USH2A: variants seen among roughly 807,000 people sequenced by gnomAD.
The protein encoded by USH2A is usherin, also known as Usher syndrome 2A (autosomal recessive, mild).
Under a neutral mutation model 538.9 loss-of-function variants are expected in USH2A, and 443 were observed. That is an observed-to-expected ratio of 0.82 (90% CI 0.76 to 0.89). The LOEUF (loss-of-function observed/expected upper bound fraction) is 0.89, where lower values mean the gene tolerates loss of function less well. Among genes scored for constraint, USH2A ranks in the 40% least tolerant of loss-of-function variants. USH2A has a pLI of 0.00. For missense variants in USH2A, 6,633 were observed against 6,324.8 expected (o/e 1.05, Z -1.65); for synonymous variants, 2,413 against 2,273.5 (o/e 1.06, Z -1.75).
At chr1:216,356,570 A>G (rs1015570014) in intron 4 of USH2A, among the ~76,000 whole-genome samples, 1 of 152,074 alleles carries the variant, frequency 6.6e-6, no homozygotes, top group Non-Finnish European at 1.5e-5. Flanking sequence ...AATTTATAGA[A>G]TTTTGTACTA....
intron 61 of USH2A, among the ~76,000 whole-genome samples, chr1:215,697,345 G>A (rs556012992): frequency 6.6e-6 from 1 of 152,192 alleles, no homozygotes; most frequent in South Asian, 2.1e-4. Context: ...TCTTGGCAAA[G>A]GCTGGTTAGG....
Position 215,743,183 on chromosome 1 carries a change from G to T in USH2A, c.11542C>A (p.Gln3848Lys), listed in dbSNP as rs1660353558. The T allele has an allele frequency of 6.2e-7, 1 of 1,609,626 alleles. No individual in the cohort carries two copies. The highest frequency in any genetic ancestry group is 8.5e-7 in the Non-Finnish European group (1 of 1,177,668). Residue 3848 changes from glutamine to lysine, a missense_variant, in exon 59 of 72, where the codon CAA becomes AAA. Physicochemically the swap from Gln to Lys is moderately conservative, Grantham distance 53. Coordinates refer to ENST00000307340, the MANE Select transcript of USH2A (RefSeq NM_206933.4). The stretch of plus-strand genomic sequence containing the variant: ...GTGTCTGAAAGACTTTCACCATTTT[G>T]ACATGCTTGTATCCTTATCTCATAC... ...TQYEIRIQAC[Q>K]NGSCGVSSRM...
intron 21 of USH2A, among the ~76,000 whole-genome samples, chr1:216,162,182 T>C (rs566071927): frequency 6.6e-6 from 1 of 152,196 alleles, no homozygotes; most frequent in Admixed American, 6.6e-5. Context: ...ATTGTTCTTT[T>C]TTTCATGTTT....
rs566587570 is a variant in USH2A, at chr1:216,338,540, A to T, written c.785-10886T>A. ...AGATATAAAACTATCTGAACCATAA[A>T]AAGTAACTGATATATTCGCCAATGT... On this transcript the variant is annotated intron_variant, in intron 4 of 71. Coordinates refer to ENST00000307340, the MANE Select transcript of USH2A (RefSeq NM_206933.4). Among the ~76,000 whole-genome samples, 8 of 151,694 alleles carry T rather than the reference A, an allele frequency of 5.3e-5. No homozygotes were observed. In the East Asian group the frequency reaches 1.6e-3, roughly 29 times the overall value.
rs1460084950 is a variant in USH2A, at chr1:216,078,224, A to G, written c.5437T>C (p.Ser1813Pro). 6.2e-7 allele frequency: 1 copy of G among 1,613,852 alleles called. No homozygotes were observed. The highest frequency in any genetic ancestry group is 8.5e-7 in the Non-Finnish European group (1 of 1,179,828). The stretch of plus-strand genomic sequence containing the variant: ...TTCATCAGTCCATTCACACTTGCTG[A>G]TATGAAAGAGCCTTCCTTTTTAATA... The part of the protein sequence containing the change: ...VIIKKEGSFI[S>P]ASVNGLMKHA... Residue 1813 changes from serine (S) to proline (P), a missense_variant, in exon 27 of 72, where the codon TCA becomes CCA. Physicochemically the swap from Ser to Pro is moderately conservative, Grantham distance 74. Coordinates refer to ENST00000307340, the MANE Select transcript of USH2A (RefSeq NM_206933.4).
chr1:215,710,231 C>T (rs1032182532), intron 61 of USH2A, among the ~76,000 whole-genome samples: 1 of 152,178 alleles, frequency 6.6e-6, no homozygotes, highest in African/African-American at 2.4e-5. Flanking sequence ...TTTTCCTTGT[C>T]TCATGTCTCT....
chr1:215,779,143 T>C (rs1007006536), intron 55 of USH2A, among the ~76,000 whole-genome samples: 8 of 152,144 alleles, frequency 5.3e-5, no homozygotes, highest in Admixed American at 2.0e-4. Context: ...AGGTCTATGA[T>C]GGAAATAAAA....
chr1:215,941,022 T>C (rs966816790), intron 37 of USH2A, among the ~76,000 whole-genome samples: 3 of 152,118 alleles, frequency 2.0e-5, no homozygotes, highest in Non-Finnish European at 4.4e-5. Flanking sequence ...ATATCGCAAA[T>C]TATTTTTTAA....
Position 216,072,106 on chromosome 1 carries a change from C to T in USH2A, c.5857+783G>A, listed in dbSNP as rs886860767. On this transcript the variant is annotated intron_variant, in intron 29 of 71. Coordinates refer to ENST00000307340, the MANE Select transcript of USH2A (RefSeq NM_206933.4). ...ACACGTCTTTAGACAAATTGATACT[C>T]GCTGAATAAACTTCCTTGCTGAGAC... Among the ~76,000 whole-genome samples the T allele has an allele frequency of 3.9e-5, 6 of 152,154 alleles. No homozygotes were observed. The East Asian group carries it at 7.7e-4, about 20-fold the overall frequency.
intron 55 of USH2A, among the ~76,000 whole-genome samples, chr1:215,771,689 T>A (rs906357493): frequency 2.7e-5 from 4 of 146,798 alleles, no homozygotes; most frequent in Admixed American, 2.1e-4. Flanking sequence ...TGTAGTGAGA[T>A]ACTGAGTCAT....
chr1:215,675,518 G>A lies in USH2A; in HGVS notation c.12393C>T (p.Thr4131=), dbSNP rs756645144. The A allele has an allele frequency of 2.5e-6, 4 of 1,613,854 alleles. No homozygotes were observed. Among genetic ancestry groups the A allele is most frequent in the Admixed American group, 3.3e-5 (2 of 59,984 alleles). The change falls in exon 63 of 72, where the codon ACC becomes ACT. Residue 4131 remains threonine (T), a synonymous_variant. Coordinates refer to ENST00000307340, the MANE Select transcript of USH2A (RefSeq NM_206933.4). ...AACCTGCTCTGGTGCAGGCCTCCAG[G>A]GTCAGTGTGTAGAGAGTGAAAGGAT... ...RLDPFTLYTL[T]LEACTRAGCA...
chr1:215,812,872 A>G (rs1276829918), intron 49 of USH2A, among the ~76,000 whole-genome samples: 1 of 152,236 alleles, frequency 6.6e-6, no homozygotes, highest in African/African-American at 2.4e-5. Context: ...GCAGTAAAGT[A>G]CACAAAAGAG....
chr1:215,714,904 A>G (rs1048418810), intron 61 of USH2A, among the ~76,000 whole-genome samples: 1 of 152,234 alleles, frequency 6.6e-6, no homozygotes, highest in Non-Finnish European at 1.5e-5. Flanking sequence ...TCTTTATTGT[A>G]ATTCCCAAAG....
chr1:215,987,977 T>TGAAA (rs1313258914), intron 35 of USH2A, among the ~76,000 whole-genome samples: 6 of 152,114 alleles, frequency 3.9e-5, no homozygotes, highest in Admixed American at 6.6e-5. Context: ...TTCTTAATCT[T>TGAAA]TTTTTCTAGT....
chr1:216,158,707 C>T (rs993407175), intron 21 of USH2A, among the ~76,000 whole-genome samples: 3 of 152,124 alleles, frequency 2.0e-5, no homozygotes, highest in Admixed American at 1.3e-4. Flanking sequence ...AAGTACTTTC[C>T]TCTCTCATGT....
intron 15 of USH2A, among the ~76,000 whole-genome samples, chr1:216,211,283 C>A (rs1249986702): frequency 6.6e-6 from 1 of 152,114 alleles, no homozygotes; most frequent in Non-Finnish European, 1.5e-5. Flanking sequence ...CAAGCACAGG[C>A]AAAATAACCT....
chr1:215,676,313 A>T (rs989873229), intron 62 of USH2A, among the ~76,000 whole-genome samples: 1 of 152,186 alleles, frequency 6.6e-6, no homozygotes, highest in Non-Finnish European at 1.5e-5. Context: ...GGAAAAAAAC[A>T]TCTGAATGCT....
chr1:216,184,166 A>T (rs1303219126), intron 20 of USH2A, among the ~76,000 whole-genome samples: 1 of 152,020 alleles, frequency 6.6e-6, no homozygotes, highest in Non-Finnish European at 1.5e-5. Flanking sequence ...CACTTCCTTA[A>T]TTGTAAAATG....
intron 32 of USH2A, among the ~76,000 whole-genome samples, chr1:216,003,306 G>A (rs1003257614): frequency 2.6e-5 from 4 of 152,092 alleles, no homozygotes; most frequent in African/African-American, 9.7e-5. Flanking sequence ...GAAGTTTATG[G>A]GTAAGAAAGG....
Sources: gnomAD v4.1 joint callset for allele counts (sites outside exome capture counted in the v4.1 genomes callset) on GRCh38, gnomAD v4.1.1 for gene constraint, MANE v1.5 for transcripts, NCBI Gene and HGNC (gene_info 2026-07-23, HGNC 2026-07-21) for gene names.